Variants in NPSR1 observed in about 807,000 individuals in gnomAD.
NPSR1 encodes neuropeptide S receptor 1.
A neutral mutation model predicts 46.9 loss-of-function variants in NPSR1; 48 were observed. The observed-to-expected ratio is 1.02, with a 90% CI of 0.81 to 1.30. NPSR1 has a LOEUF of 1.30. Ranked by LOEUF, NPSR1 falls within the 50% of genes most tolerant of loss-of-function variation. The pLI, the probability that NPSR1 is intolerant of heterozygous loss-of-function variation, is 0.00. For missense variants in NPSR1, 450 were observed against 449.5 expected (o/e 1.00, Z -0.01); for synonymous variants, 176 against 168.1 (o/e 1.05, Z -0.36).
At chr7:34,735,434 CCCT>C (rs141373183) in intron 2 of NPSR1, among the ~76,000 whole-genome samples, 21,804 of 152,162 alleles carry the variant, frequency 0.14, 2,054 homozygotes, top group East Asian at 0.33. Flanking sequence ...AGCCCTCTTC[CCCT>C]CCTCTGTTTT....
intron 6 of NPSR1, among the ~76,000 whole-genome samples, chr7:34,841,381 T>G (rs10263313): frequency 0.17 from 25,316 of 152,210 alleles, 2,316 homozygotes; most frequent in Non-Finnish European, 0.21. Flanking sequence ...ATTTGGAGAC[T>G]AAATTTTCAG....
intron 3 of NPSR1, chr7:34,779,815 A>G (rs1787152629): frequency 4.3e-6 from 1 of 231,914 alleles, no homozygotes; most frequent in Non-Finnish European, 8.8e-6. Flanking sequence ...TGGTGGCTTA[A>G]AACAATAAAC....
intron 3 of NPSR1, among the ~76,000 whole-genome samples, chr7:34,805,957 A>G (rs1370952020): frequency 6.6e-6 from 1 of 152,064 alleles, no homozygotes; most frequent in Admixed American, 6.6e-5. Context: ...GGGAATTGCA[A>G]ATTAAAACAA....
chr7:34,735,458 A>T (rs1012077788), intron 2 of NPSR1, among the ~76,000 whole-genome samples: 2 of 152,224 alleles, frequency 1.3e-5, no homozygotes, highest in African/African-American at 2.4e-5. Context: ...GCTGACCTTA[A>T]TAAATGAATA....
chr7:34,680,084 AT>A (rs1792543282), intron 1 of NPSR1, among the ~76,000 whole-genome samples: 1 of 152,168 alleles, frequency 6.6e-6, no homozygotes, highest in Non-Finnish European at 1.5e-5. Context: ...AGAAAACCTT[AT>A]TGATTTTATG....
At chr7:34,823,759 G>A (rs1448323930) in intron 4 of NPSR1, among the ~76,000 whole-genome samples, 2 of 151,860 alleles carry the variant, frequency 1.3e-5, no homozygotes, top group African/African-American at 2.4e-5. Flanking sequence ...GATAATAATC[G>A]GCTATTGATA....
intron 2 of NPSR1, chr7:34,751,874 C>T (rs1785554225): frequency 2.5e-6 from 4 of 1,571,554 alleles, no homozygotes; most frequent in Non-Finnish European, 3.5e-6. Flanking sequence ...CAGAGTGGGT[C>T]TGGTGGACAA....
At chr7:34,679,386 T>C (rs1420650528) in intron 1 of NPSR1, among the ~76,000 whole-genome samples, 1 of 152,084 alleles carries the variant, frequency 6.6e-6, no homozygotes, top group Non-Finnish European at 1.5e-5. Context: ...TAAACAAAGA[T>C]ATACCATTAA....
At chr7:34,761,437 T>A (rs1166195791) in intron 2 of NPSR1, among the ~76,000 whole-genome samples, 1 of 152,174 alleles carries the variant, frequency 6.6e-6, no homozygotes, top group Non-Finnish European at 1.5e-5. Flanking sequence ...ACCATATACC[T>A]CACAGCTGGA....
At chr7:34,660,841 C>T (rs35166814) in intron 1 of NPSR1, among the ~76,000 whole-genome samples, 191 of 150,094 alleles carry the variant, frequency 1.3e-3, no homozygotes, top group Non-Finnish European at 2.1e-3. Context: ...CCATGAAGCC[C>T]TCCTTGACTC....
chr7:34,744,126 T>G (rs1183046134), intron 2 of NPSR1, among the ~76,000 whole-genome samples: 1 of 152,180 alleles, frequency 6.6e-6, no homozygotes, highest in Non-Finnish European at 1.5e-5. Flanking sequence ...TTTTCTCCCA[T>G]AGTTCTATTA....
chr7:34,806,945 A>G (rs1367230210), intron 3 of NPSR1, among the ~76,000 whole-genome samples: 6 of 152,068 alleles, frequency 3.9e-5, no homozygotes, highest in African/African-American at 1.4e-4. Context: ...CTTTAGTTTT[A>G]TATTTCCTAG....
intron 6 of NPSR1, among the ~76,000 whole-genome samples, chr7:34,838,861 C>G (rs1035234774): frequency 2.6e-5 from 4 of 152,104 alleles, no homozygotes; most frequent in Admixed American, 2.6e-4. Flanking sequence ...TTTACTTGTA[C>G]AAACTAGAAC....
intron 2 of NPSR1, among the ~76,000 whole-genome samples, chr7:34,730,889 A>G (rs909077936): frequency 1.3e-5 from 2 of 152,354 alleles, no homozygotes; most frequent in Non-Finnish European, 2.9e-5. Flanking sequence ...CCTGGACAGA[A>G]TGGAAACCTA....
chr7:34,667,370 G>A (rs1166983664), intron 1 of NPSR1, among the ~76,000 whole-genome samples: 1 of 152,224 alleles, frequency 6.6e-6, no homozygotes, highest in Non-Finnish European at 1.5e-5. Flanking sequence ...TCATGGAGGA[G>A]TTCTGCTTAC....
At chr7:34,730,926 G>A (rs570595092) in intron 2 of NPSR1, among the ~76,000 whole-genome samples, 3 of 152,318 alleles carry the variant, frequency 2.0e-5, no homozygotes, top group African/African-American at 4.8e-5. Context: ...GGAAGTAGGA[G>A]AGGAGAGGGG....
intron 8 of NPSR1, among the ~76,000 whole-genome samples, chr7:34,877,642 G>A (rs1184756416): frequency 2.6e-5 from 4 of 152,172 alleles, no homozygotes; most frequent in African/African-American, 7.2e-5. Context: ...GCTGAGAGGC[G>A]GCCGTCAGGG....
intron 3 of NPSR1, among the ~76,000 whole-genome samples, chr7:34,805,718 C>A (rs886404925): frequency 6.6e-6 from 1 of 151,636 alleles, no homozygotes. Flanking sequence ...TACAACTTTG[C>A]AAAGGACACT....
At chr7:34,814,758 G>C (rs369877684) in intron 4 of NPSR1, among the ~76,000 whole-genome samples, 1 of 152,200 alleles carries the variant, frequency 6.6e-6, no homozygotes, top group East Asian at 1.9e-4. Context: ...CTCTGCTAGT[G>C]ATACCCAGGC....
Sources: gnomAD v4.1 joint callset for allele counts (sites outside exome capture counted in the v4.1 genomes callset) on GRCh38, gnomAD v4.1.1 for gene constraint, MANE v1.5 for transcripts, NCBI Gene and HGNC (gene_info 2026-07-23, HGNC 2026-07-21) for gene names.